THSD7B: variants seen among roughly 807,000 people sequenced by gnomAD.
THSD7B encodes the protein thrombospondin type-1 domain-containing protein 7B.
THSD7B carries 138 observed loss-of-function variants against 213.6 expected under a neutral mutation model. The observed-to-expected ratio is 0.65, with a 90% CI of 0.56 to 0.74. The LOEUF is 0.74. THSD7B is among the 30% of genes least tolerant of loss of function. The pLI is 0.00. For missense variants in THSD7B, 1,931 were observed against 1,991.5 expected (o/e 0.97, Z 0.58); for synonymous variants, 742 against 687.0 (o/e 1.08, Z -1.25).
chr2:137,624,495 C>G (rs964857359), intron 20 of THSD7B, among the ~76,000 whole-genome samples: 42 of 152,022 alleles, frequency 2.8e-4, no homozygotes, highest in African/African-American at 9.2e-4. Flanking sequence ...AATTAAAGAG[C>G]TACTGCACAG....
At chr2:137,593,567 T>G (rs1019527024) in intron 17 of THSD7B, among the ~76,000 whole-genome samples, 1 of 150,772 alleles carries the variant, frequency 6.6e-6, no homozygotes, top group Non-Finnish European at 1.5e-5. Flanking sequence ...GGTCATTAGA[T>G]ATCTTATTTG....
intron 17 of THSD7B, among the ~76,000 whole-genome samples, chr2:137,586,290 A>G (rs938637473): frequency 3.3e-5 from 5 of 152,066 alleles, no homozygotes; most frequent in African/African-American, 1.2e-4. Flanking sequence ...ACTTTATCCA[A>G]TTTGCCAGTC....
At chr2:137,320,740 A>T (rs1684247064) in intron 12 of THSD7B, among the ~76,000 whole-genome samples, 1 of 152,234 alleles carries the variant, frequency 6.6e-6, no homozygotes, top group Non-Finnish European at 1.5e-5. Flanking sequence ...AAATTAGAGA[A>T]AAATGTATTA....
chr2:137,025,457 G>A (rs1355932298), intron 2 of THSD7B, among the ~76,000 whole-genome samples: 1 of 152,138 alleles, frequency 6.6e-6, no homozygotes, highest in Non-Finnish European at 1.5e-5. Flanking sequence ...AATCTTATGT[G>A]TGGATGTCGA....
intron 15 of THSD7B, among the ~76,000 whole-genome samples, chr2:137,504,272 G>A (rs916212741): frequency 6.6e-6 from 1 of 152,146 alleles, no homozygotes; most frequent in African/African-American, 2.4e-5. Flanking sequence ...AGAAATTAAT[G>A]AAAAGTATGT....
intron 7 of THSD7B, among the ~76,000 whole-genome samples, chr2:137,201,956 G>C (rs1293993999): frequency 6.6e-6 from 1 of 152,050 alleles, no homozygotes; most frequent in African/African-American, 2.4e-5. Context: ...CATTTTTTCT[G>C]ATGGTCTCTA....
intron 1 of THSD7B, among the ~76,000 whole-genome samples, chr2:136,840,400 G>T (rs1352032424): frequency 6.6e-6 from 1 of 151,990 alleles, no homozygotes; most frequent in Admixed American, 6.6e-5. Flanking sequence ...AAATAAAAAA[G>T]AATATTGAGA....
At chr2:136,773,119 T>C (rs1681537430) in intron 1 of THSD7B, among the ~76,000 whole-genome samples, 1 of 151,956 alleles carries the variant, frequency 6.6e-6, no homozygotes, top group East Asian at 1.9e-4. Context: ...TGCCCGTCTT[T>C]GGGAGTATTC....
At chr2:136,808,043 A>G (rs1311156372) in intron 1 of THSD7B, among the ~76,000 whole-genome samples, 4 of 152,124 alleles carry the variant, frequency 2.6e-5, no homozygotes, top group African/African-American at 9.7e-5. Context: ...ATAGCTCCAA[A>G]TCTGATCTGT....
chr2:137,599,219 T>G (rs1364647553), intron 17 of THSD7B, among the ~76,000 whole-genome samples: 1 of 151,930 alleles, frequency 6.6e-6, no homozygotes, highest in East Asian at 1.9e-4. Context: ...GAACTCATCA[T>G]TTTTTATGGC....
intron 4 of THSD7B, among the ~76,000 whole-genome samples, chr2:137,103,290 A>G (rs1201019321): frequency 6.6e-6 from 1 of 152,220 alleles, no homozygotes; most frequent in Non-Finnish European, 1.5e-5. Context: ...ACTAAGCTTC[A>G]TAAGTGAGGG....
intron 20 of THSD7B, among the ~76,000 whole-genome samples, chr2:137,626,237 C>T (rs907373855): frequency 1.3e-5 from 2 of 152,036 alleles, no homozygotes; most frequent in South Asian, 2.1e-4. Flanking sequence ...CCGAGGCGGG[C>T]GGATCACGAG....
chr2:136,904,848 G>A (rs1684131575), intron 2 of THSD7B, among the ~76,000 whole-genome samples: 1 of 152,174 alleles, frequency 6.6e-6, no homozygotes, highest in Non-Finnish European at 1.5e-5. Flanking sequence ...TTCAGCAAAT[G>A]CATGTTCCAT....
At chr2:137,397,141 A>G (rs1686213713) in intron 12 of THSD7B, among the ~76,000 whole-genome samples, 1 of 151,618 alleles carries the variant, frequency 6.6e-6, no homozygotes. Context: ...GTATCTTTTA[A>G]TTGGAGCATT....
intron 10 of THSD7B, among the ~76,000 whole-genome samples, chr2:137,265,681 C>T (rs548711405): frequency 2.4e-4 from 37 of 152,282 alleles, no homozygotes; most frequent in African/African-American, 7.9e-4. Context: ...AGTCCGTCTA[C>T]CTTTTCCACA....
chr2:137,423,777 G>A (rs1272363584), intron 14 of THSD7B, among the ~76,000 whole-genome samples: 1 of 152,024 alleles, frequency 6.6e-6, no homozygotes, highest in Non-Finnish European at 1.5e-5. Context: ...TATATTAAAA[G>A]CTTAGCTAGC....
At chr2:137,185,092 GC>G (rs1680525969) in intron 7 of THSD7B, among the ~76,000 whole-genome samples, 1 of 151,952 alleles carries the variant, frequency 6.6e-6, no homozygotes, top group Non-Finnish European at 1.5e-5. Context: ...GCTTTGGGTG[GC>G]CCCAAAAAGG....
At chr2:137,455,081 C>T (rs183867996) in intron 15 of THSD7B, among the ~76,000 whole-genome samples, 237 of 152,216 alleles carry the variant, frequency 1.6e-3, no homozygotes, top group Non-Finnish European at 2.7e-3. Context: ...TATTCATTCT[C>T]CTCCACTGCT....
At chr2:137,032,917 G>A (rs1178256330) in intron 2 of THSD7B, among the ~76,000 whole-genome samples, 4 of 152,064 alleles carry the variant, frequency 2.6e-5, no homozygotes, top group Non-Finnish European at 5.9e-5. Context: ...GACTTTTCAA[G>A]GTTTTCAGAT....
Sources: allele counts gnomAD v4.1 joint callset (sites outside exome capture counted in the v4.1 genomes callset), GRCh38; gene constraint gnomAD v4.1.1; transcripts MANE v1.5; gene names NCBI Gene and HGNC (gene_info 2026-07-23, HGNC 2026-07-21).